Variants in STN1 observed in about 807,000 individuals in gnomAD.
STN1 encodes the protein STN1 subunit of CST complex.
STN1 carries 29 observed loss-of-function variants against 45.5 expected under a neutral mutation model. The observed-to-expected ratio is 0.64, with a 90% CI of 0.47 to 0.87. The LOEUF (loss-of-function observed/expected upper bound fraction) is 0.87, where lower values mean the gene tolerates loss of function less well. Among genes scored for constraint, STN1 ranks in the 40% least tolerant of loss-of-function variants. The probability of loss-of-function intolerance (pLI) is 0.00; values close to 1 mark genes in which losing one functional copy is unlikely to be tolerated. For missense variants in STN1, 376 were observed against 441.4 expected, an observed-to-expected ratio of 0.85 and a Z score of 1.33; for synonymous variants, 148 against 159.0, an observed-to-expected ratio of 0.93 and a Z score of 0.52.
At chr10:103,901,880 A>G (rs1843211947) in intron 4 of STN1, among the ~76,000 whole-genome samples, 1 of 152,214 alleles carries the variant, frequency 6.6e-6, no homozygotes, top group Non-Finnish European at 1.5e-5. Flanking sequence ...CAACATTGTC[A>G]GTAATGCATG....
chr10:103,905,092 T>C lies in STN1; in HGVS notation c.294A>G (p.Ser98=). Residue 98 remains serine, a splice_region_variant and synonymous_variant, in exon 4 of 10, where the codon TCA becomes TCG. Coordinates refer to ENST00000224950, the MANE Select transcript of STN1 (RefSeq NM_024928.5). ...CWKKLNTESV[S]AAPSAARELS... is the part of the protein sequence containing the mutation. ...AAGGAATGTGGCAAATAAAATTACC[T>C]GATACAGACTCAGTATTCAACTTTT... The C allele has an allele frequency of 6.2e-7, 1 of 1,613,098 alleles. No individual in the cohort carries two copies. The highest frequency in any genetic ancestry group is 8.5e-7 in the Non-Finnish European group (1 of 1,179,036).
intron 9 of STN1, among the ~76,000 whole-genome samples, chr10:103,883,960 T>C (rs1759464143): frequency 6.6e-6 from 1 of 151,726 alleles, no homozygotes; most frequent in Non-Finnish European, 1.5e-5. Flanking sequence ...TGTGGTGGCA[T>C]GGACCTGTAA....
chr10:103,889,248 A>G (rs1389906363), intron 8 of STN1, 104 bp from the exon 9 acceptor site: 1 of 734,128 alleles, frequency 1.4e-6, no homozygotes, highest in Non-Finnish European at 2.4e-6. Context: ...TAAAGATTAC[A>G]TAATAATCAT....
intron 7 of STN1, 49 bp downstream of exon 7, chr10:103,897,499 A>G (rs770029298): frequency 1.3e-6 from 2 of 1,537,030 alleles, no homozygotes; most frequent in Non-Finnish European, 1.8e-6. Context: ...CTGCAGTTGC[A>G]GATCTGGGGC....
intron 9 of STN1, among the ~76,000 whole-genome samples, chr10:103,883,296 C>T (rs1366616077): frequency 6.6e-6 from 1 of 152,130 alleles, no homozygotes; most frequent in Non-Finnish European, 1.5e-5. Flanking sequence ...GATGCGGCTG[C>T]CTGGTGAGAA....
chr10:103,912,143 C>T (rs940837697), intron 2 of STN1, among the ~76,000 whole-genome samples: 12 of 151,972 alleles, frequency 7.9e-5, no homozygotes, highest in Admixed American at 6.6e-5. Context: ...AGAGAGTCAC[C>T]TCCATCCAGG....
intron 9 of STN1, among the ~76,000 whole-genome samples, chr10:103,888,315 T>C (rs1282033152): frequency 6.6e-6 from 1 of 151,200 alleles, no homozygotes; most frequent in Non-Finnish European, 1.5e-5. Flanking sequence ...TAACAAACTT[T>C]TCCAACACTT....
intron 4 of STN1, among the ~76,000 whole-genome samples, chr10:103,902,642 T>G (rs1427977334): frequency 6.6e-6 from 1 of 152,228 alleles, no homozygotes; most frequent in Non-Finnish European, 1.5e-5. Flanking sequence ...AATGGTACAT[T>G]CAATGTGACA....
At chr10:103,914,391 T>TGAGACAGGGTCTTGCTC (rs1843314420) in intron 2 of STN1, among the ~76,000 whole-genome samples, 1 of 140,460 alleles carries the variant, frequency 7.1e-6, no homozygotes, top group Non-Finnish European at 1.5e-5. Context: ...TTTTTTTTTT[T>TGAGACAGGGTCTTGCTC]TGAGACAGGG....
chr10:103,889,462 A>C (rs1843124616), intron 8 of STN1, among the ~76,000 whole-genome samples: 2 of 151,950 alleles, frequency 1.3e-5, no homozygotes, highest in Admixed American at 1.3e-4. Flanking sequence ...GTTTTGAGCG[A>C]GGCACAGTGA....
chr10:103,880,382 C>T lies in STN1; in HGVS notation c.*2302G>A, dbSNP rs1444624984. On this transcript the variant is annotated 3_prime_UTR_variant, in exon 10 of 10. Transcript: ENST00000224950. ...GGGTGGGCAAACAGGAACAGAAGTT[C>T]CCACTCTGCGTGGTGGGTTTCATCC... Among the ~76,000 whole-genome samples, 1 of 152,184 alleles carries T rather than the reference C, an allele frequency of 6.6e-6. No homozygotes were observed. Among genetic ancestry groups the T allele is most frequent in the Non-Finnish European group, 1.5e-5 (1 of 68,040 alleles).
chr10:103,899,505 G>A (rs757167190), intron 5 of STN1, among the ~76,000 whole-genome samples: 1 of 152,098 alleles, frequency 6.6e-6, no homozygotes, highest in Admixed American at 6.6e-5. Flanking sequence ...GACCAGCCTG[G>A]ACAACATGGC....
Position 103,880,389 on chromosome 10 carries a change from T to C in STN1, c.*2295A>G, listed in dbSNP as rs1409509813. Among the ~76,000 whole-genome samples, 4 of 152,202 alleles carry C rather than the reference T, an allele frequency of 2.6e-5. No individual in the cohort carries two copies. Among genetic ancestry groups the C allele is most frequent in the Non-Finnish European group, 5.9e-5 (4 of 68,020 alleles). ...CAAACAGGAACAGAAGTTCCCACTC[T>C]GCGTGGTGGGTTTCATCCAGGACCA... On this transcript the variant is annotated 3_prime_UTR_variant, in exon 10 of 10. Coordinates refer to ENST00000224950, the MANE Select transcript of STN1 (RefSeq NM_024928.5).
chr10:103,906,886 G>A (rs975973846), intron 3 of STN1, among the ~76,000 whole-genome samples: 1 of 152,216 alleles, frequency 6.6e-6, no homozygotes, highest in Non-Finnish European at 1.5e-5. Context: ...ACCCTCATAT[G>A]TCGATAGTGG....
chr10:103,911,090 T>A (rs2984133), intron 2 of STN1, among the ~76,000 whole-genome samples: 49,997 of 149,590 alleles, frequency 0.33, 8,817 homozygotes, highest in East Asian at 0.64. Flanking sequence ...GCATTTTTTT[T>A]AAAAAAAAAC....
chr10:103,885,219 T>A (rs1176924699), intron 9 of STN1, among the ~76,000 whole-genome samples: 1 of 152,138 alleles, frequency 6.6e-6, no homozygotes, highest in Non-Finnish European at 1.5e-5. Flanking sequence ...AAAAGCTTCA[T>A]CCCTTCCCAA....
intron 4 of STN1, 47 bp from the exon 5 acceptor site, chr10:103,900,270 A>C: frequency 6.3e-7 from 1 of 1,588,660 alleles, no homozygotes; most frequent in Non-Finnish European, 8.6e-7. Context: ...TTATAACACA[A>C]TCACTCTACC....
At chr10:103,908,729 A>G (rs1279736174) in intron 3 of STN1, among the ~76,000 whole-genome samples, 4 of 152,230 alleles carry the variant, frequency 2.6e-5, no homozygotes, top group Non-Finnish European at 5.9e-5. Context: ...AGGCAATCAT[A>G]GTGCCTTAAT....
chr10:103,893,199 G>C (rs1040742473), intron 7 of STN1, among the ~76,000 whole-genome samples: 1 of 151,614 alleles, frequency 6.6e-6, no homozygotes, highest in Non-Finnish European at 1.5e-5. Flanking sequence ...TTGAGACAGA[G>C]TCTCTGTCGC....
Sources: gnomAD v4.1 joint callset for allele counts (sites outside exome capture counted in the v4.1 genomes callset) on GRCh38, gnomAD v4.1.1 for gene constraint, MANE v1.5 for transcripts, NCBI Gene and HGNC (gene_info 2026-07-23, HGNC 2026-07-21) for gene names.